Variants in OPHN1 observed in about 807,000 individuals in gnomAD.
The protein encoded by OPHN1 is oligophrenin 1.
Under a neutral mutation model 60.7 loss-of-function variants are expected in OPHN1, and 11 were observed. The observed-to-expected ratio is 0.18, with a 90% CI of 0.11 to 0.30. OPHN1 has a LOEUF of 0.30. Ranked by LOEUF, OPHN1 falls within the 10% of genes least tolerant of loss-of-function variation. The probability of loss-of-function intolerance (pLI) is 1.00; values close to 1 mark genes in which losing one functional copy is unlikely to be tolerated. For synonymous variants in OPHN1, 226 were observed against 222.6 expected (o/e 1.02, Z -0.14); for missense variants, 449 against 611.0 (o/e 0.73, Z 2.80).
intron 2 of OPHN1, among the ~76,000 whole-genome samples, chrX:68,342,322 T>C (rs923954370): frequency 9.0e-6 from 1 of 111,493 alleles, no homozygotes; most frequent in South Asian, 3.8e-4. Context: ...TGGTATGGTT[T>C]CTCTATGTTC....
At chrX:68,205,912 C>T (rs1197920301) in intron 10 of OPHN1, among the ~76,000 whole-genome samples, 1 of 110,342 alleles carries the variant, frequency 9.1e-6, no homozygotes, top group African/African-American at 3.3e-5. Context: ...TATAAACAAT[C>T]TGTCTAAAGA....
At chrX:68,052,415 G>A (rs1195967450) in intron 23 of OPHN1, 125 bp downstream of exon 23, 2 of 629,339 alleles carry the variant, frequency 3.2e-6, no homozygotes, top group African/African-American at 4.4e-5. Flanking sequence ...AAGAGAAAGT[G>A]ACAGACAGAG....
intron 15 of OPHN1, among the ~76,000 whole-genome samples, chrX:68,143,883 G>C (rs1254658418): frequency 8.9e-6 from 1 of 111,838 alleles, no homozygotes; most frequent in Non-Finnish European, 1.9e-5. Flanking sequence ...TCACAGCCCT[G>C]AGTAACAATA....
At chrX:68,073,632 G>A (rs950871908) in intron 19 of OPHN1, among the ~76,000 whole-genome samples, 3 of 111,863 alleles carry the variant, frequency 2.7e-5, no homozygotes, top group Admixed American at 9.5e-5. Flanking sequence ...TTTCTCATCC[G>A]TAACATAGGG....
chrX:68,115,348 G>T (rs2077122504), intron 16 of OPHN1, among the ~76,000 whole-genome samples: 1 of 111,934 alleles, frequency 8.9e-6, no homozygotes, highest in Admixed American at 9.5e-5. Context: ...ACTTCATTCA[G>T]TTTTATTTCC....
intron 2 of OPHN1, among the ~76,000 whole-genome samples, chrX:68,385,452 C>G (rs1260266263): frequency 8.9e-6 from 1 of 112,190 alleles, no homozygotes; most frequent in Non-Finnish European, 1.9e-5. Flanking sequence ...TCAGCAACTT[C>G]TAAAATTCCT....
At chrX:68,401,627 G>T (rs190179287) in intron 2 of OPHN1, among the ~76,000 whole-genome samples, 1 of 112,039 alleles carries the variant, frequency 8.9e-6, no homozygotes, top group East Asian at 2.8e-4. Flanking sequence ...ACAAACATCA[G>T]GAGATGTAGA....
chrX:68,375,007 C>T (rs2078549288), intron 2 of OPHN1, among the ~76,000 whole-genome samples: 1 of 112,264 alleles, frequency 8.9e-6, no homozygotes, highest in Non-Finnish European at 1.9e-5. Context: ...AATTCTTATA[C>T]ATTGCTAGTG....
intron 5 of OPHN1, among the ~76,000 whole-genome samples, chrX:68,250,732 C>T (rs1211071606): frequency 3.6e-5 from 4 of 111,874 alleles, no homozygotes; most frequent in Non-Finnish European, 7.5e-5. Context: ...TGAATTAGTA[C>T]CTGTAGACTT....
intron 2 of OPHN1, among the ~76,000 whole-genome samples, chrX:68,317,890 C>T (rs1056682304): frequency 3.0e-4 from 33 of 111,177 alleles, no homozygotes; most frequent in African/African-American, 1.0e-3. Flanking sequence ...AATCCCAACA[C>T]TTTGAATCCC....
chrX:68,233,109 G>A (rs2077736520), intron 6 of OPHN1, among the ~76,000 whole-genome samples: 1 of 110,790 alleles, frequency 9.0e-6, no homozygotes, highest in Non-Finnish European at 1.9e-5. Context: ...TGTATTTTTA[G>A]TAGAGCTGGG....
At chrX:68,287,883 G>A (rs2078052822) in intron 3 of OPHN1, among the ~76,000 whole-genome samples, 1 of 111,825 alleles carries the variant, frequency 8.9e-6, no homozygotes, top group Non-Finnish European at 1.9e-5. Context: ...ATGAAAGATC[G>A]AATTTTTGGA....
intron 2 of OPHN1, among the ~76,000 whole-genome samples, chrX:68,430,648 C>T (rs1274694689): frequency 2.7e-5 from 3 of 110,435 alleles, no homozygotes; most frequent in Non-Finnish European, 5.7e-5. Flanking sequence ...CGTGGTGAAA[C>T]CCCATCTCTA....
intron 2 of OPHN1, among the ~76,000 whole-genome samples, chrX:68,318,381 G>C (rs747876047): frequency 2.2e-4 from 25 of 111,637 alleles, no homozygotes; most frequent in Non-Finnish European, 4.3e-4. Context: ...CAAAACCACA[G>C]CAAGATTTTT....
chrX:68,064,797 T>A (rs899005125), intron 20 of OPHN1, among the ~76,000 whole-genome samples: 5 of 111,564 alleles, frequency 4.5e-5, no homozygotes, highest in African/African-American at 1.6e-4. Context: ...ATAGCAAAAA[T>A]TTTGAAAACT....
chrX:68,421,707 T>C (rs2078827024), intron 2 of OPHN1, among the ~76,000 whole-genome samples: 1 of 111,573 alleles, frequency 9.0e-6, no homozygotes, highest in Non-Finnish European at 1.9e-5. Context: ...TTCTGGGAAG[T>C]CCTTAATGAA....
chrX:68,228,085 C>CT (rs1448385290), intron 6 of OPHN1, among the ~76,000 whole-genome samples: 1 of 111,365 alleles, frequency 9.0e-6, no homozygotes, highest in Admixed American at 9.6e-5. Context: ...ATATCACCAC[C>CT]TTTCACACAG....
At chrX:68,109,701 A>G (rs1297077614) in intron 18 of OPHN1, among the ~76,000 whole-genome samples, 1 of 111,791 alleles carries the variant, frequency 8.9e-6, no homozygotes, top group Non-Finnish European at 1.9e-5. Flanking sequence ...AAGAAAAGCT[A>G]GCATATTATA....
At chrX:68,074,737 G>A (rs1390484536) in intron 19 of OPHN1, among the ~76,000 whole-genome samples, 3 of 109,980 alleles carry the variant, frequency 2.7e-5, no homozygotes, top group South Asian at 8.0e-4. Flanking sequence ...CATATAACAC[G>A]TTTTACTTAT....
Sources: allele counts gnomAD v4.1 joint callset (sites outside exome capture counted in the v4.1 genomes callset), GRCh38; gene constraint gnomAD v4.1.1; transcripts MANE v1.5; gene names NCBI Gene and HGNC (gene_info 2026-07-23, HGNC 2026-07-21).